The following PCLO variants were observed in gnomAD, a reference collection of about 807,000 sequenced individuals.
PCLO encodes the protein protein piccolo.
A neutral mutation model predicts 427.5 loss-of-function variants in PCLO; 82 were observed. The observed-to-expected ratio is 0.19, with a 90% CI of 0.16 to 0.23. PCLO has a LOEUF of 0.23. Ranked by LOEUF, PCLO falls within the 10% of genes least tolerant of loss-of-function variation. The pLI is 1.00. For missense variants in PCLO, 6,239 were observed against 6,115.9 expected, an observed-to-expected ratio of 1.02 and a Z score of -0.67; for synonymous variants, 2,357 against 2,155.4, an observed-to-expected ratio of 1.09 and a Z score of -2.59.
Position 83,134,684 on chromosome 7 carries a change from A to G in PCLO, c.2866T>C (p.Ser956Pro), listed in dbSNP as rs1032631637. 5 of 1,613,680 alleles carry G rather than the reference A, an allele frequency of 3.1e-6. No homozygotes were observed. The East Asian group carries it at 1.1e-4, about 36-fold the overall frequency. ...ATTGGGGCCCCTGGTCCACTTTGTG[A>G]ATGAGGTCCAGGTTGGCCTGCAGTG... ...ISTAGQPGPH[S>P]QSGPGAPMKQ... Residue 956 changes from serine (S) to proline (P), a missense_variant, in exon 3 of 25, where the codon TCA becomes CCA. By Grantham distance (74) the Ser-to-Pro change is moderately conservative. This residue lies in a region of PCLO where 4,677 missense variants were observed against 4,468.4 expected (regional missense o/e 1.05). Coordinates refer to ENST00000333891, the MANE Select transcript of PCLO (RefSeq NM_033026.6).
intron 3 of PCLO, among the ~76,000 whole-genome samples, chr7:83,086,079 A>T (rs1366293153): frequency 2.6e-5 from 4 of 151,784 alleles, no homozygotes; most frequent in Admixed American, 6.6e-5. Flanking sequence ...GACAATTGCT[A>T]CCTGAACACT....
chr7:82,931,453 T>C (rs2116340279), intron 6 of PCLO, among the ~76,000 whole-genome samples: 1 of 152,250 alleles, frequency 6.6e-6, no homozygotes, highest in Middle Eastern at 3.4e-3. Flanking sequence ...GGGCATGGTT[T>C]AGTTGTGTCC....
intron 2 of PCLO, among the ~76,000 whole-genome samples, chr7:83,152,700 C>A (rs1792168817): frequency 6.6e-6 from 1 of 152,168 alleles, no homozygotes; most frequent in Non-Finnish European, 1.5e-5. Flanking sequence ...ATATGCCCAG[C>A]TCAAATGCCA....
At chr7:83,097,138 CATTATAT>C (rs1190610120) in intron 3 of PCLO, among the ~76,000 whole-genome samples, 1 of 83,458 alleles carries the variant, frequency 1.2e-5, no homozygotes, top group Admixed American at 2.3e-4. Flanking sequence ...ATACATTATA[CATTATAT>C]AAATATATTA....
intron 20 of PCLO, among the ~76,000 whole-genome samples, chr7:82,812,885 G>C (rs1185364569): frequency 6.6e-6 from 1 of 151,092 alleles, no homozygotes; most frequent in African/African-American, 2.4e-5. Flanking sequence ...TAGGCTGTCA[G>C]ATAGGTATTT....
intron 14 of PCLO, among the ~76,000 whole-genome samples, chr7:82,839,340 T>C (rs1562811218): frequency 6.6e-6 from 1 of 152,100 alleles, no homozygotes; most frequent in Non-Finnish European, 1.5e-5. Flanking sequence ...CTCATTTTAG[T>C]ATAATTTTGA....
rs546848978 is a variant in PCLO, at chr7:83,013,981, A to G, written c.3301-47494T>C. On this transcript the variant is annotated intron_variant, in intron 3 of 24. Coordinates refer to ENST00000333891, the MANE Select transcript of PCLO (RefSeq NM_033026.6). Reference sequence around the variant, plus strand: ...ATTCTTTAAAAAATCTTGGTGTACCATTTTATACCACTAGCACCTGCAAAA... The same window carrying G: ...ATTCTTTAAAAAATCTTGGTGTACCGTTTTATACCACTAGCACCTGCAAAA... 1.9e-4 allele frequency among the ~76,000 whole-genome samples: 29 copies of G among 152,264 alleles called. No homozygotes were observed. The South Asian group carries it at 2.9e-3, about 15-fold the overall frequency.
chr7:82,815,755 A>C (rs999945975), intron 20 of PCLO, among the ~76,000 whole-genome samples: 4 of 152,092 alleles, frequency 2.6e-5, no homozygotes, highest in African/African-American at 9.7e-5. Context: ...TTGGTGCAAA[A>C]GTGATTGCCG....
intron 3 of PCLO, among the ~76,000 whole-genome samples, chr7:83,000,171 C>G (rs1047001651): frequency 6.6e-6 from 1 of 150,778 alleles, no homozygotes; most frequent in Non-Finnish European, 1.5e-5. Flanking sequence ...GTCAGGGAAA[C>G]ACCTTACTTA....
At chr7:82,876,731 T>C (rs1793382800) in intron 10 of PCLO, among the ~76,000 whole-genome samples, 1 of 152,142 alleles carries the variant, frequency 6.6e-6, no homozygotes, top group African/African-American at 2.4e-5. Context: ...AGTATTTAAA[T>C]ATTGACAGTC....
At chr7:83,080,616 C>T (rs115331909) in intron 3 of PCLO, among the ~76,000 whole-genome samples, 1,685 of 152,200 alleles carry the variant, frequency 0.011, 28 homozygotes, top group African/African-American at 0.039. Flanking sequence ...TGAACTCTAG[C>T]TTCTTACTCA....
intron 3 of PCLO, among the ~76,000 whole-genome samples, chr7:83,034,011 A>G (rs1788733233): frequency 6.6e-6 from 1 of 152,184 alleles, no homozygotes; most frequent in Non-Finnish European, 1.5e-5. Context: ...TATTCAAGTA[A>G]TGCTCAATAT....
At position 82,951,086 on chromosome 7, in the gene PCLO, T is replaced by C. The variant is rs1795333530; in HGVS notation, c.9502A>G (p.Ile3168Val). The change falls in exon 6 of 25, where the codon ATT (isoleucine) becomes GTT (valine). Residue 3168 changes from isoleucine (I) to valine (V), a missense_variant. Ile to Val is a conservative substitution (Grantham distance 29, BLOSUM62 3). Coordinates refer to ENST00000333891, the MANE Select transcript of PCLO (RefSeq NM_033026.6). ...GIDISASLQT[I>V]TMESLTAETI... ...TCAGCAGTAAGAGACTCCATAGTAA[T>C]AGTTTGCAAACTGGCACTGATATCA... 6.2e-7 allele frequency: 1 copy of C among 1,613,756 alleles called. No homozygotes were observed. The highest frequency in any genetic ancestry group is 1.7e-5 in the Admixed American group (1 of 59,996).
chr7:82,984,408 C>CTGTGTGTGG (rs1554368017), intron 3 of PCLO, among the ~76,000 whole-genome samples: 1 of 135,868 alleles, frequency 7.4e-6, no homozygotes, highest in Non-Finnish European at 1.6e-5. Flanking sequence ...AATGTGGTGT[C>CTGTGTGTGG]TGTGTGTGTG....
At chr7:83,041,071 A>C (rs1788962169) in intron 3 of PCLO, among the ~76,000 whole-genome samples, 1 of 152,318 alleles carries the variant, frequency 6.6e-6, no homozygotes, top group South Asian at 2.1e-4. Flanking sequence ...TAAGAATTAT[A>C]ATTGTGGAGT....
chr7:82,918,433 T>C lies in PCLO; in HGVS notation c.11113-1560A>G, dbSNP rs760225475. Among the ~76,000 whole-genome samples the C allele has an allele frequency of 1.1e-4, 17 of 152,158 alleles. No individual in the cohort carries two copies. The East Asian group carries it at 1.4e-3, about 12-fold the overall frequency. ...ACTATGGTTTCTTGATTAACCCACA[T>C]TCTAGATCTTTACATATTCTTTCAC... On this transcript the variant is annotated intron_variant, in intron 6 of 24. Transcript: ENST00000333891.
At position 82,755,439 on chromosome 7, in the gene PCLO, A is replaced by G. The variant is rs1243193780; in HGVS notation, c.*3136T>C. 2.6e-5 allele frequency: 4 copies of G among 152,216 alleles called. No individual in the cohort carries two copies. The East Asian group carries it at 7.7e-4, about 29-fold the overall frequency. The allele number at this position is 152,216 out of a possible 1,614,324, so 9.4% of individuals were successfully genotyped here. On this transcript the variant is annotated 3_prime_UTR_variant, in exon 25 of 25. Transcript: ENST00000333891. ...AGGGTTATTTGTGTCTGTAATGACT[A>G]TTCTATATTCCCTGTCTTTTGTAAA...
chr7:82,888,597 A>G (rs79485355), intron 9 of PCLO, among the ~76,000 whole-genome samples: 10,127 of 152,184 alleles, frequency 0.067, 465 homozygotes, highest in East Asian at 0.2. Context: ...TGAAGCAAAC[A>G]AAACAAATCT....
chr7:82,958,292 TCCTC>T (rs1365173096), intron 4 of PCLO, among the ~76,000 whole-genome samples: 1 of 150,618 alleles, frequency 6.6e-6, no homozygotes, highest in Non-Finnish European at 1.5e-5. Context: ...CTTCCTTCCT[TCCTC>T]CTTCCTTCTT....
Sources: allele counts gnomAD v4.1 joint callset (sites outside exome capture counted in the v4.1 genomes callset), GRCh38; gene constraint gnomAD v4.1.1; regional missense constraint gnomAD v4.1.1; transcripts MANE v1.5; gene names NCBI Gene and HGNC (gene_info 2026-07-23, HGNC 2026-07-21).